Variants in HS3ST5 observed in about 807,000 individuals in gnomAD.
The protein encoded by HS3ST5 is heparan sulfate-glucosamine 3-sulfotransferase 5.
HS3ST5 carries 10 observed loss-of-function variants against 25.4 expected under a neutral mutation model. The ratio of observed to expected loss-of-function variants is 0.39; its 90% confidence interval spans 0.24 to 0.67. The LOEUF is 0.67. Among genes scored for constraint, HS3ST5 ranks in the 30% least tolerant of loss-of-function variants. The probability of loss-of-function intolerance (pLI) is 0.44; values close to 1 mark genes in which losing one functional copy is unlikely to be tolerated. For missense variants in HS3ST5, 324 were observed against 420.7 expected (o/e 0.77, Z 2.01); for synonymous variants, 170 against 162.4 (o/e 1.05, Z -0.36).
chr6:114,139,583 C>T (rs1161331152), intron 3 of HS3ST5, among the ~76,000 whole-genome samples: 1 of 151,612 alleles, frequency 6.6e-6, no homozygotes, highest in Non-Finnish European at 1.5e-5. Flanking sequence ...CAACAAGATT[C>T]CTGTCTATCT....
chr6:114,212,259 A>T (rs898501804), intron 2 of HS3ST5, among the ~76,000 whole-genome samples: 1 of 152,220 alleles, frequency 6.6e-6, no homozygotes, highest in African/African-American at 2.4e-5. Flanking sequence ...GCAAAGTTGT[A>T]GTCATAGTGA....
chr6:114,278,100 C>T (rs376441741), intron 1 of HS3ST5, among the ~76,000 whole-genome samples: 1 of 151,906 alleles, frequency 6.6e-6, no homozygotes, highest in East Asian at 1.9e-4. Flanking sequence ...ACAGCTGCTT[C>T]CTGACATTCG....
chr6:114,180,543 A>G (rs1779926369), intron 2 of HS3ST5, among the ~76,000 whole-genome samples: 2 of 152,128 alleles, frequency 1.3e-5, no homozygotes, highest in African/African-American at 4.8e-5. Context: ...TGAAGGCTGC[A>G]CTGTCAGCTT....
At chr6:114,158,919 A>AG (rs1778816437) in intron 3 of HS3ST5, among the ~76,000 whole-genome samples, 1 of 152,248 alleles carries the variant, frequency 6.6e-6, no homozygotes, top group African/African-American at 2.4e-5. Flanking sequence ...GTGACTTCAC[A>AG]GGTTTATTAA....
In HS3ST5 at chr6:114,279,348, G is replaced by A. The variant is rs1301709983; in HGVS notation, c.-338-50570C>T. 4.6e-5 allele frequency among the ~76,000 whole-genome samples: 7 copies of A among 152,012 alleles called. 1 individual carries two copies. The East Asian group carries it at 1.4e-3, about 29-fold the overall frequency. On this transcript the variant is annotated intron_variant, in intron 1 of 4. Transcript: ENST00000312719. ...TAATATAGTACAAGAGAAATAAGGA[G>A]CAGTAAATTGCACCATGGGGTTCTG...
intron 3 of HS3ST5, among the ~76,000 whole-genome samples, chr6:114,082,101 C>T (rs1774484495): frequency 6.6e-6 from 1 of 152,172 alleles, no homozygotes; most frequent in South Asian, 2.1e-4. Flanking sequence ...CTTTCATTTT[C>T]CTTCTGCCAG....
At chr6:114,279,777 G>A (rs1774024604) in intron 1 of HS3ST5, among the ~76,000 whole-genome samples, 1 of 152,016 alleles carries the variant, frequency 6.6e-6, no homozygotes, top group South Asian at 2.1e-4. Flanking sequence ...CTACCTTCCA[G>A]AAGTTGGGAG....
At chr6:114,170,814 A>C (rs1779444216) in intron 2 of HS3ST5, among the ~76,000 whole-genome samples, 1 of 152,208 alleles carries the variant, frequency 6.6e-6, no homozygotes, top group Non-Finnish European at 1.5e-5. Context: ...ATTTAATTAA[A>C]ATGGTTATTT....
chr6:114,156,281 C>T (rs1206890678), intron 3 of HS3ST5, among the ~76,000 whole-genome samples: 1 of 152,208 alleles, frequency 6.6e-6, no homozygotes, highest in Non-Finnish European at 1.5e-5. Flanking sequence ...CCTGGTTCTT[C>T]AGACTCCTCA....
intron 1 of HS3ST5, among the ~76,000 whole-genome samples, chr6:114,278,343 C>T (rs1407731): frequency 0.48 from 73,491 of 151,634 alleles, 18,177 homozygotes; most frequent in African/African-American, 0.6. Flanking sequence ...AATTTTTCTG[C>T]CTTAAGGTTA....
intron 3 of HS3ST5, among the ~76,000 whole-genome samples, chr6:114,163,226 A>G (rs548706519): frequency 2.6e-5 from 4 of 152,334 alleles, no homozygotes; most frequent in Admixed American, 2.6e-4. Flanking sequence ...ACTATGAAAT[A>G]CAAATTGAGC....
chr6:114,175,658 C>G (rs911362399), intron 2 of HS3ST5, among the ~76,000 whole-genome samples: 3 of 152,104 alleles, frequency 2.0e-5, no homozygotes, highest in Admixed American at 2.0e-4. Flanking sequence ...GAAGAAGCTA[C>G]TTGCACAAAG....
At chr6:114,067,953 T>C (rs1427136949) in intron 3 of HS3ST5, among the ~76,000 whole-genome samples, 1 of 152,082 alleles carries the variant, frequency 6.6e-6, no homozygotes, top group Non-Finnish European at 1.5e-5. Context: ...TCTCACAGGG[T>C]TCTTATGATG....
chr6:114,114,571 C>G (rs557422327), intron 3 of HS3ST5, among the ~76,000 whole-genome samples: 8 of 152,038 alleles, frequency 5.3e-5, no homozygotes, highest in Non-Finnish European at 4.4e-5. Flanking sequence ...ACACATTTTT[C>G]CTACTTACAA....
chr6:114,327,123 T>C (rs936788055), intron 1 of HS3ST5, among the ~76,000 whole-genome samples: 3 of 152,216 alleles, frequency 2.0e-5, no homozygotes, highest in African/African-American at 7.2e-5. Context: ...TTAGAATGAT[T>C]AGTGTCTGCA....
At chr6:114,326,651 C>G (rs1776188075) in intron 1 of HS3ST5, among the ~76,000 whole-genome samples, 1 of 152,050 alleles carries the variant, frequency 6.6e-6, no homozygotes, top group African/African-American at 2.4e-5. Context: ...GATCATAATA[C>G]TTCTTTTTAG....
chr6:114,185,675 A>G (rs1434892482), intron 2 of HS3ST5, among the ~76,000 whole-genome samples: 1 of 151,686 alleles, frequency 6.6e-6, no homozygotes, highest in East Asian at 1.9e-4. Flanking sequence ...GGTAATTCTC[A>G]TAATATTTCA....
intron 1 of HS3ST5, among the ~76,000 whole-genome samples, chr6:114,328,030 A>G (rs1776240470): frequency 6.6e-6 from 1 of 152,160 alleles, no homozygotes. Flanking sequence ...GAAATGAAAT[A>G]ATAGAGGTAG....
chr6:114,242,769 C>T (rs9488348), intron 1 of HS3ST5, among the ~76,000 whole-genome samples: 6,750 of 150,194 alleles, frequency 0.045, 229 homozygotes, highest in African/African-American at 0.098. Context: ...AGGAGAATGG[C>T]GTGAACCCGG....
Sources: allele counts gnomAD v4.1 joint callset (sites outside exome capture counted in the v4.1 genomes callset), GRCh38; gene constraint gnomAD v4.1.1; transcripts MANE v1.5; gene names NCBI Gene and HGNC (gene_info 2026-07-23, HGNC 2026-07-21).